COL6A6: variants seen among roughly 807,000 people sequenced by gnomAD.
The protein encoded by COL6A6 is collagen type VI alpha 6 chain, also known as collagen alpha-6(VI) chain.
In COL6A6, 183 loss-of-function variants were observed where a neutral mutation model predicts 208.6. The observed-to-expected ratio is 0.88, with a 90% confidence interval of 0.78 to 0.99. The LOEUF (loss-of-function observed/expected upper bound fraction) is 0.99. Ranked by LOEUF, COL6A6 falls within the 50% of genes least tolerant of loss-of-function variation. The pLI is 0.00. For missense variants in COL6A6, 2,816 were observed against 2,815.2 expected (o/e 1.00, Z -0.01); for synonymous variants, 973 against 1,011.8 (o/e 0.96, Z 0.73).
chr3:130,649,095 AC>A lies in COL6A6; in HGVS notation c.5268del (p.Glu1757SerfsTer20). 1.3e-6 allele frequency: 2 copies of A among 1,573,504 alleles called. No homozygotes were observed. Among genetic ancestry groups the A allele is most frequent in the Non-Finnish European group, 1.7e-6 (2 of 1,158,770 alleles). ...HGKPECPVHPTELVFALDHSR... is the reference protein window; with the variant it reads ...HGKPECPVHPXELVFALDHSR... ...AAAACCGGAATGCCCAGTGCACCCA[AC>A]CGAGTTGGTGTTTGCCCTGGACCAC... On this transcript the variant is annotated frameshift_variant, in exon 33 of 37. Coordinates refer to ENST00000358511, the MANE Select transcript of COL6A6 (RefSeq NM_001102608.3). LOFTEE classifies it high-confidence loss of function.
rs1211118585 is a variant in COL6A6 at position 130,621,888 on chromosome 3, G to T, written c.4878+5G>T. On this transcript the variant is annotated splice_donor_5th_base_variant and intron_variant, in intron 24 of 36. Coordinates refer to ENST00000358511, the MANE Select transcript of COL6A6 (RefSeq NM_001102608.3). ...TTGGGAAGCCAAGGAAATAAAGTAGGTCACATTCTTTATACTCACCAAAGT... is the reference window on the plus strand; with the variant it reads ...TTGGGAAGCCAAGGAAATAAAGTAGTTCACATTCTTTATACTCACCAAAGT... The T allele has an allele frequency of 5.0e-6, 8 of 1,612,648 alleles. No individual in the cohort carries two copies. The South Asian group carries it at 7.7e-5, about 16-fold the overall frequency.
intron 1 of COL6A6, among the ~76,000 whole-genome samples, chr3:130,538,863 C>T (rs1319274634): frequency 1.3e-5 from 2 of 152,226 alleles, no homozygotes; most frequent in Admixed American, 1.3e-4. Context: ...CTATTTCATG[C>T]TATCCTACAA....
chr3:130,537,431 C>T (rs369621478), intron 1 of COL6A6, among the ~76,000 whole-genome samples: 2 of 152,348 alleles, frequency 1.3e-5, no homozygotes, highest in East Asian at 1.9e-4. Context: ...TGTAGCCAGT[C>T]AGCCCAGGGA....
At chr3:130,642,243 ATGTGTGTGTGTGTGTGTG>A (rs3074299) in intron 29 of COL6A6, among the ~76,000 whole-genome samples, 27 of 142,204 alleles carry the variant, frequency 1.9e-4, no homozygotes, top group Non-Finnish European at 2.8e-4. Context: ...GACAGATTAT[ATGTGTGTGTGTGTGTGTG>A]TGTGTGTGTG....
chr3:130,647,290 A>G (rs1048952884), intron 32 of COL6A6, among the ~76,000 whole-genome samples: 4 of 152,152 alleles, frequency 2.6e-5, no homozygotes, highest in African/African-American at 9.7e-5. Context: ...TTTTCCCCTA[A>G]AAAAACTTGA....
intron 23 of COL6A6, among the ~76,000 whole-genome samples, chr3:130,616,918 G>A (rs1381822707): frequency 6.6e-6 from 1 of 152,118 alleles, no homozygotes; most frequent in Non-Finnish European, 1.5e-5. Context: ...TTGGATTGTT[G>A]TGAAAATTAA....
chr3:130,600,807 T>C (rs969345630), intron 20 of COL6A6, among the ~76,000 whole-genome samples: 5 of 152,038 alleles, frequency 3.3e-5, no homozygotes, highest in African/African-American at 1.2e-4. Context: ...GCAGCAAACA[T>C]GGCACACATA....
intron 10 of COL6A6, among the ~76,000 whole-genome samples, chr3:130,582,359 C>G (rs767590729): frequency 1.2e-4 from 18 of 152,248 alleles, no homozygotes; most frequent in Non-Finnish European, 2.5e-4. Flanking sequence ...TCCTTTCTCT[C>G]TCGCCCCACA....
Position 130,581,534 on chromosome 3 carries a change from A to G in COL6A6, c.3548-27A>G, listed in dbSNP as rs1481595209. 2.0e-6 allele frequency: 3 copies of G among 1,513,616 alleles called. No homozygotes were observed. The African/African-American group carries it at 4.2e-5, about 21-fold the overall frequency. The allele number at this position is 1,513,616 out of a possible 1,614,324, so 93.8% of individuals were successfully genotyped here. ...AAATAAAGGCGTTTGTTGATTTATT[A>G]AGACATGCTTTTCCTTTGAATCCTA... On this transcript the variant is annotated intron_variant, in intron 8 of 36. Coordinates refer to ENST00000358511, the MANE Select transcript of COL6A6 (RefSeq NM_001102608.3).
chr3:130,661,686 G>A lies in COL6A6; in HGVS notation c.5880G>A (p.Val1960=). The A allele has an allele frequency of 6.2e-7, 1 of 1,613,924 alleles. No homozygotes were observed. The highest frequency in any genetic ancestry group is 8.5e-7 in the Non-Finnish European group (1 of 1,179,856). The part of the protein sequence containing the change: ...ASCDQARPPP[V]QSYMDAAFLL... ...GTGACCAAGCCAGACCACCCCCTGT[G>A]CAGTCTTACATGGATGCTGCTTTCC... The change falls in exon 35 of 37, where the codon GTG becomes GTA. Residue 1960 remains valine, a synonymous_variant. Transcript: ENST00000358511.
At chr3:130,529,929 G>A (rs1447715883) in intron 1 of COL6A6, among the ~76,000 whole-genome samples, 1 of 152,184 alleles carries the variant, frequency 6.6e-6, no homozygotes, top group Non-Finnish European at 1.5e-5. Flanking sequence ...GCAGCACAGT[G>A]GTTTAGAGGA....
chr3:130,570,221 G>A (rs1479198862), intron 6 of COL6A6, among the ~76,000 whole-genome samples: 1 of 152,144 alleles, frequency 6.6e-6, no homozygotes, highest in Non-Finnish European at 1.5e-5. Context: ...AGCTTAGTTG[G>A]ACCCAGTGCG....
In COL6A6 at chr3:130,593,119, G is replaced by A. The variant is rs760572256; in HGVS notation, c.4416+14G>A. The A allele has an allele frequency of 1.9e-6, 3 of 1,613,120 alleles. No individual in the cohort carries two copies. Among genetic ancestry groups the A allele is most frequent in the East Asian group, 2.2e-5 (1 of 44,864 alleles). Reference sequence around the variant, plus strand: ...AACGGAGAACAGGTAGAGCCTTCTTGTACCATAGAGACCCTTCTGAGCTAT... The same window carrying A: ...AACGGAGAACAGGTAGAGCCTTCTTATACCATAGAGACCCTTCTGAGCTAT... On this transcript the variant is annotated intron_variant, in intron 16 of 36. Transcript: ENST00000358511.
chr3:130,523,906 T>G (rs1397394295), intron 1 of COL6A6, among the ~76,000 whole-genome samples: 1 of 152,202 alleles, frequency 6.6e-6, no homozygotes, highest in African/African-American at 2.4e-5. Context: ...AATATCTGCA[T>G]TCCCTGGGTT....
chr3:130,542,898 C>CTTTTTT (rs56339748), intron 1 of COL6A6, among the ~76,000 whole-genome samples: 21 of 92,614 alleles, frequency 2.3e-4, no homozygotes, highest in African/African-American at 7.9e-4. Context: ...TCCATTCACT[C>CTTTTTT]TTTTTTTTTT....
chr3:130,600,517 A>G (rs1576305331), intron 20 of COL6A6, among the ~76,000 whole-genome samples: 1 of 152,202 alleles, frequency 6.6e-6, no homozygotes, highest in African/African-American at 2.4e-5. Context: ...CATATACACC[A>G]TGGAATACTA....
At position 130,565,261 on chromosome 3, in the gene COL6A6, C is replaced by CT; in HGVS notation, c.930dup (p.Ala311CysfsTer11). The CT allele has an allele frequency of 6.2e-7, 1 of 1,614,020 alleles. No homozygotes were observed. The highest frequency in any genetic ancestry group is 8.5e-7 in the Non-Finnish European group (1 of 1,179,890). On this transcript the variant is annotated frameshift_variant, in exon 4 of 37. Transcript: ENST00000358511. LOFTEE classifies it high-confidence loss of function. ...CGAACTGGGAAGGCCTATACTGGAG[C>CT]TGCCATCAAAAAGCTCAGGAAGGAA...
rs2062949350 is a variant in COL6A6 at position 130,563,680 on chromosome 3, G to A, written c.661+16G>A. 6.5e-6 allele frequency: 10 copies of A among 1,530,580 alleles called. No homozygotes were observed. Among genetic ancestry groups the A allele is most frequent in the Non-Finnish European group, 9.0e-6 (10 of 1,109,508 alleles). 94.8% of individuals were successfully genotyped at this position (1,530,580 alleles called of 1,614,324 possible). A position where few individuals can be genotyped will look rare whatever the true frequency, so the allele number is the denominator to read the frequency against. ...TTTGTAGAAGGTGGGCTTAGGATAT[G>A]TGTATAGGAATGATGATAAAACGCT... On this transcript the variant is annotated intron_variant, in intron 3 of 36. Transcript: ENST00000358511.
In COL6A6 at chr3:130,567,171, A is replaced by C; in HGVS notation, c.1752A>C (p.Ala584=). 1.9e-6 allele frequency: 3 copies of C among 1,613,826 alleles called. No homozygotes were observed. Among genetic ancestry groups the C allele is most frequent in the South Asian group, 2.2e-5 (2 of 91,090 alleles). The change falls in exon 5 of 37, where the codon GCA becomes GCC. Residue 584 remains alanine (A), a synonymous_variant. Coordinates refer to ENST00000358511, the MANE Select transcript of COL6A6 (RefSeq NM_001102608.3). ...EANQTQLREI[A]GEEKRVYYVH... Reference sequence around the variant, plus strand: ...ACCAAACACAGCTGAGAGAAATTGCAGGAGAGGAAAAGAGAGTGTATTACG... The same window carrying C: ...ACCAAACACAGCTGAGAGAAATTGCCGGAGAGGAAAAGAGAGTGTATTACG...
Sources: gnomAD v4.1 joint callset for allele counts (sites outside exome capture counted in the v4.1 genomes callset) on GRCh38, gnomAD v4.1.1 for gene constraint, MANE v1.5 for transcripts, NCBI Gene and HGNC (gene_info 2026-07-23, HGNC 2026-07-21) for gene names.